PLXDC2: variants seen among roughly 807,000 people sequenced by gnomAD.
PLXDC2 encodes plexin domain containing 2.
A neutral mutation model predicts 68.9 loss-of-function variants in PLXDC2; 40 were observed. That is an observed-to-expected ratio of 0.58 (90% CI 0.45 to 0.76). The LOEUF (loss-of-function observed/expected upper bound fraction) is 0.76, where lower values mean the gene tolerates loss of function less well. Among genes scored for constraint, PLXDC2 ranks in the 30% least tolerant of loss-of-function variants. The probability of loss-of-function intolerance (pLI) is 0.00; values close to 1 mark genes in which losing one functional copy is unlikely to be tolerated. For missense variants in PLXDC2, 644 were observed against 661.9 expected (o/e 0.97, Z 0.30); for synonymous variants, 243 against 234.2 (o/e 1.04, Z -0.34).
rs78786529 is a variant in PLXDC2 at position 20,240,743 on chromosome 10, A to G, written c.1313-4602A>G. Among the ~76,000 whole-genome samples the G allele has an allele frequency of 9.3e-5, 14 of 150,882 alleles. No individual in the cohort carries two copies. In the East Asian group the frequency reaches 2.1e-3, roughly 23 times the overall value. ...AAAAAAAAAAAAAAGGTTAAATAATATGAGAGTAGAAAAATGCTTTCTCCA... is the reference window on the plus strand; with the variant it reads ...AAAAAAAAAAAAAAGGTTAAATAATGTGAGAGTAGAAAAATGCTTTCTCCA... On this transcript the variant is annotated intron_variant, in intron 12 of 13. Transcript: ENST00000377252.
At chr10:20,245,531 A>G (rs767831499) in intron 13 of PLXDC2, 26 bp downstream of exon 13, 1 of 1,597,202 alleles carries the variant, frequency 6.3e-7, no homozygotes, top group South Asian at 1.1e-5. Context: ...AACACATGAA[A>G]ACCACGCCAG....
chr10:19,836,391 T>C (rs544470740), intron 1 of PLXDC2, among the ~76,000 whole-genome samples: 1 of 152,280 alleles, frequency 6.6e-6, no homozygotes, highest in South Asian at 2.1e-4. Context: ...TCAACAAAAA[T>C]GATCACAGCC....
chr10:19,988,573 G>A (rs1302889597), intron 1 of PLXDC2, among the ~76,000 whole-genome samples: 1 of 151,940 alleles, frequency 6.6e-6, no homozygotes, highest in East Asian at 1.9e-4. Context: ...TAAAAATGAA[G>A]TATTTAGTTA....
chr10:20,113,745 C>G (rs1334445201), intron 4 of PLXDC2, among the ~76,000 whole-genome samples: 1 of 152,140 alleles, frequency 6.6e-6, no homozygotes, highest in Non-Finnish European at 1.5e-5. Flanking sequence ...GTTGATTTTG[C>G]CATGTACCCT....
rs1836133472 is a variant in PLXDC2 at position 20,284,995 on chromosome 10, T to C, written c.*5176T>C. Reference sequence around the variant, plus strand: ...CCACCCCTGCCCCCATCTGTGGCCATCTAAGTTAGCAATACAATTTATTTT... The same window carrying C: ...CCACCCCTGCCCCCATCTGTGGCCACCTAAGTTAGCAATACAATTTATTTT... On this transcript the variant is annotated 3_prime_UTR_variant, in exon 14 of 14. Transcript: ENST00000377252. The C allele has an allele frequency of 6.6e-6, 1 of 152,226 alleles. No individual in the cohort carries two copies. Among genetic ancestry groups the C allele is most frequent in the Admixed American group, 6.5e-5 (1 of 15,278 alleles). 9.4% of individuals were successfully genotyped at this position (152,226 alleles called of 1,614,324 possible).
intron 2 of PLXDC2, among the ~76,000 whole-genome samples, chr10:20,006,456 C>T (rs1589581858): frequency 6.6e-6 from 1 of 152,128 alleles, no homozygotes; most frequent in South Asian, 2.1e-4. Context: ...GCCCTGACTG[C>T]AGTAGTGGCT....
chr10:20,161,216 A>G (rs1209673196), intron 6 of PLXDC2, among the ~76,000 whole-genome samples: 1 of 152,078 alleles, frequency 6.6e-6, no homozygotes, highest in Non-Finnish European at 1.5e-5. Context: ...TTCTACTGAT[A>G]TGGGCTGGAC....
intron 2 of PLXDC2, among the ~76,000 whole-genome samples, chr10:20,009,554 A>G (rs1443251242): frequency 6.6e-6 from 1 of 151,926 alleles, no homozygotes; most frequent in Non-Finnish European, 1.5e-5. Flanking sequence ...GTTGGCTTCC[A>G]CAGAAGATGA....
At chr10:20,139,394 C>T (rs1269964931) in intron 4 of PLXDC2, among the ~76,000 whole-genome samples, 3 of 152,246 alleles carry the variant, frequency 2.0e-5, no homozygotes, top group Non-Finnish European at 4.4e-5. Context: ...TCTGCAAAGG[C>T]AGATGAGCAG....
At chr10:20,180,687 T>G (rs896039303) in intron 9 of PLXDC2, among the ~76,000 whole-genome samples, 1 of 152,064 alleles carries the variant, frequency 6.6e-6, no homozygotes, top group Non-Finnish European at 1.5e-5. Context: ...TTTAATTGGT[T>G]TGTTTATTTC....
chr10:20,054,748 A>G (rs1219833402), intron 3 of PLXDC2, among the ~76,000 whole-genome samples: 1 of 152,040 alleles, frequency 6.6e-6, no homozygotes, highest in African/African-American at 2.4e-5. Flanking sequence ...GATATACCTA[A>G]TGTTAAATGA....
chr10:19,865,985 C>T (rs1400119659), intron 1 of PLXDC2, among the ~76,000 whole-genome samples: 1 of 152,126 alleles, frequency 6.6e-6, no homozygotes, highest in Non-Finnish European at 1.5e-5. Flanking sequence ...TTCACAAATT[C>T]ACACTTTCCC....
At position 20,164,589 on chromosome 10, in the gene PLXDC2, G is replaced by A. The variant is rs115281213; in HGVS notation, c.883+22G>A. 2,820 of 1,555,814 alleles carry A rather than the reference G, an allele frequency of 1.8e-3. 14 individuals carry two copies. The African/African-American group carries it at 0.019, about 10-fold the overall frequency. ...CCCAGTACGTAGAAGAAGGGCAGTC[G>A]CAATGAGTGAGCCTCTGTGGGGGTA... On this transcript the variant is annotated intron_variant, in intron 7 of 13. Transcript: ENST00000377252.
intron 1 of PLXDC2, among the ~76,000 whole-genome samples, chr10:19,982,552 T>C (rs1834569138): frequency 6.6e-6 from 1 of 152,190 alleles, no homozygotes; most frequent in Non-Finnish European, 1.5e-5. Flanking sequence ...AATTAACATA[T>C]ATGTTTTTAT....
chr10:19,871,249 C>T (rs964943181), intron 1 of PLXDC2, among the ~76,000 whole-genome samples: 5 of 152,196 alleles, frequency 3.3e-5, no homozygotes, highest in African/African-American at 1.2e-4. Flanking sequence ...GAACTGTTCA[C>T]ATATACGGCA....
At chr10:20,231,675 A>G (rs1271072212) in intron 12 of PLXDC2, among the ~76,000 whole-genome samples, 1 of 151,996 alleles carries the variant, frequency 6.6e-6, no homozygotes, top group East Asian at 1.9e-4. Flanking sequence ...TAATAAATTT[A>G]ATATCTCTAA....
At chr10:20,001,504 T>A (rs1473689759) in intron 1 of PLXDC2, among the ~76,000 whole-genome samples, 1 of 151,726 alleles carries the variant, frequency 6.6e-6, no homozygotes, top group Non-Finnish European at 1.5e-5. Context: ...GGAATAAAAA[T>A]GCATTGCTTC....
chr10:19,984,389 G>T (rs1371881096), intron 1 of PLXDC2, among the ~76,000 whole-genome samples: 1 of 152,210 alleles, frequency 6.6e-6, no homozygotes, highest in Non-Finnish European at 1.5e-5. Context: ...GAGACATTGT[G>T]TAAAGTCAAA....
At chr10:19,894,715 C>T (rs753026875) in intron 1 of PLXDC2, among the ~76,000 whole-genome samples, 7 of 152,016 alleles carry the variant, frequency 4.6e-5, no homozygotes, top group Non-Finnish European at 8.8e-5. Context: ...AAATGCAAAT[C>T]GAAACCACAA....
Sources: allele counts gnomAD v4.1 joint callset (sites outside exome capture counted in the v4.1 genomes callset), GRCh38; gene constraint gnomAD v4.1.1; transcripts MANE v1.5; gene names NCBI Gene and HGNC (gene_info 2026-07-23, HGNC 2026-07-21).